The following COIL variants were observed in gnomAD, a reference collection of about 807,000 sequenced individuals.
The protein encoded by COIL is coilin.
In COIL, 28 loss-of-function variants were observed where a neutral mutation model predicts 51.6. The ratio of observed to expected loss-of-function variants is 0.54; its 90% CI spans 0.40 to 0.74. COIL has a LOEUF of 0.74. COIL is among the 30% of genes least tolerant of loss of function. The probability of loss-of-function intolerance (pLI) is 0.00; values close to 1 mark genes in which losing one functional copy is unlikely to be tolerated. For missense variants in COIL, 667 were observed against 685.9 expected (o/e 0.97, Z 0.31); for synonymous variants, 233 against 255.8 (o/e 0.91, Z 0.85).
At chr17:56,946,365 T>C (rs1398293956) in intron 5 of COIL, 77 bp downstream of exon 5, 6 of 972,064 alleles carry the variant, frequency 6.2e-6, no homozygotes, top group Non-Finnish European at 9.6e-6. Context: ...GAAGAGAACA[T>C]CTCCTGTGTA....
intron 1 of COIL, among the ~76,000 whole-genome samples, chr17:56,959,849 C>A (rs556837973): frequency 6.6e-6 from 1 of 152,380 alleles, no homozygotes; most frequent in South Asian, 2.1e-4. Flanking sequence ...CCTGGCCCTG[C>A]CCTTAGGCAT....
chr17:56,953,738 G>A (rs566599378), intron 1 of COIL, among the ~76,000 whole-genome samples: 321 of 152,044 alleles, frequency 2.1e-3, no homozygotes, highest in Non-Finnish European at 3.9e-3. Context: ...ACCTCAATGC[G>A]GTAGTTGAAA....
intron 5 of COIL, 147 bp from the exon 6 acceptor site, chr17:56,942,270 G>C (rs1340341916): frequency 4.4e-6 from 3 of 681,326 alleles, no homozygotes. Flanking sequence ...GGAAAGCACA[G>C]GGTGCTCAAT....
chr17:56,949,366 C>T, intron 4 of COIL, 21 bp downstream of exon 4: 1 of 1,572,188 alleles, frequency 6.4e-7, no homozygotes, highest in South Asian at 1.2e-5. Context: ...TGACAACTTA[C>T]TTTTAAATAA....
At chr17:56,941,940 C>T in intron 6 of COIL, 95 bp downstream of exon 6, 1 of 1,006,446 alleles carries the variant, frequency 9.9e-7, no homozygotes, top group South Asian at 1.3e-5. Context: ...CAGATTCCCC[C>T]CAGGGCCTGT....
rs781384121 is a variant in COIL, at chr17:56,960,929, C to T, written c.91G>A (p.Asp31Asn). ...GTGACGACTCGGCATCTGTTCAAGT[C>T]GACCAGAAGCCAGAAGGCCGTACAG... is the stretch of plus-strand genomic sequence containing the variant. ...PHCTAFWLLV[D>N]LNRCRVVTDL... The change falls in exon 1 of 7, where the codon GAC (aspartate) becomes AAC (asparagine). Residue 31 changes from aspartate (D) to asparagine (N), a missense_variant. By Grantham distance (23) the Asp-to-Asn change is conservative (BLOSUM62 1). Coordinates refer to ENST00000240316, the MANE Select transcript of COIL (RefSeq NM_004645.3). The T allele has an allele frequency of 1.2e-6, 2 of 1,614,044 alleles. No homozygotes were observed. The highest frequency in any genetic ancestry group is 1.7e-6 in the Non-Finnish European group (2 of 1,180,012).
rs371312180 is a variant in COIL, at chr17:56,939,022, C to T, written c.*49G>A. 3.9e-5 allele frequency: 42 copies of T among 1,076,854 alleles called. No homozygotes were observed. The African/African-American group carries it at 6.5e-4, about 17-fold the overall frequency. The allele number at this position is 1,076,854 out of a possible 1,614,324, so 66.7% of individuals were successfully genotyped here. A position where few individuals can be genotyped will look rare whatever the true frequency, so the allele number is the denominator to read the frequency against. ...AAAAAAAAAAAGTTTGGGTTATAGT[C>T]ACTTTCACAAACAAGACATTCATAA... On this transcript the variant is annotated 3_prime_UTR_variant, in exon 7 of 7. Coordinates refer to ENST00000240316, the MANE Select transcript of COIL (RefSeq NM_004645.3).
At chr17:56,952,507 A>G (rs1258980597) in intron 1 of COIL, 2 of 295,228 alleles carry the variant, frequency 6.8e-6, no homozygotes, top group East Asian at 2.3e-4. Flanking sequence ...TTAAATTGCT[A>G]GACTGAGTAA....
At chr17:56,947,867 A>G (rs1443865036) in intron 4 of COIL, among the ~76,000 whole-genome samples, 1 of 152,196 alleles carries the variant, frequency 6.6e-6, no homozygotes, top group Non-Finnish European at 1.5e-5. Context: ...ATTTCCTCAT[A>G]TATCACACAA....
In COIL at chr17:56,961,013, C is replaced by G. The variant is rs770031953; in HGVS notation, c.7G>C (p.Ala3Pro). MA[A>P]SETVRLRLQF... ...AGCCGTAGCCTAACCGTCTCGGAAG[C>G]TGCCATCTTGCTTGGTGCTCAACGG... Residue 3 changes from alanine (A) to proline (P), a missense_variant, in exon 1 of 7, where the codon GCT becomes CCT. Ala to Pro is a conservative substitution (Grantham distance 27). Transcript: ENST00000240316. 1.2e-6 allele frequency: 2 copies of G among 1,613,680 alleles called. No homozygotes were observed. The highest frequency in any genetic ancestry group is 2.2e-5 in the South Asian group (2 of 91,058).
intron 6 of COIL, 22 bp from the exon 7 acceptor site, chr17:56,939,176 C>G: frequency 7.7e-7 from 1 of 1,300,526 alleles, no homozygotes; most frequent in Non-Finnish European, 1.1e-6. Flanking sequence ...GACAAAATAC[C>G]CAGTTTAGGC....
At chr17:56,949,811 A>G in intron 2 of COIL, 44 bp from the exon 3 acceptor site, 2 of 1,611,968 alleles carry the variant, frequency 1.2e-6, no homozygotes, top group Non-Finnish European at 1.7e-6. Flanking sequence ...CTGGTGAGAA[A>G]ATGTGAATCC....
intron 1 of COIL, among the ~76,000 whole-genome samples, chr17:56,953,315 G>A (rs1374193030): frequency 2.0e-5 from 3 of 150,204 alleles, no homozygotes; most frequent in Non-Finnish European, 2.9e-5. Flanking sequence ...GGAGGCTGAG[G>A]CAGGAGAATG....
rs1361505533 is a variant in COIL, at chr17:56,949,919, G to A, written c.1323C>T (p.Asp441=). Residue 441 remains aspartate, a synonymous_variant, in exon 2 of 7, where the codon GAC becomes GAT. Coordinates refer to ENST00000240316, the MANE Select transcript of COIL (RefSeq NM_004645.3). ...TDNQRQQQLN[D]VVKNSSTIIQ... ...TAATAGTAGATGAATTTTTTACCAC[G>A]TCATTTAATTGCTGTTGCCTCTGGT... 20 of 1,613,292 alleles carry A rather than the reference G, an allele frequency of 1.2e-5. No homozygotes were observed. Among genetic ancestry groups the A allele is most frequent in the Non-Finnish European group, 1.6e-5 (19 of 1,179,830 alleles).
intron 1 of COIL, among the ~76,000 whole-genome samples, chr17:56,956,765 TG>T (rs533890792): frequency 0.011 from 1,747 of 152,198 alleles, 12 homozygotes; most frequent in Middle Eastern, 0.034. Context: ...CTAATTTTGT[TG>T]TATTTTTCTG....
At chr17:56,947,330 G>A (rs958824454) in intron 4 of COIL, among the ~76,000 whole-genome samples, 10 of 152,178 alleles carry the variant, frequency 6.6e-5, no homozygotes, top group African/African-American at 1.7e-4. Context: ...GGATAACTGC[G>A]TTTGAGGTCA....
At chr17:56,956,234 G>T (rs933230224) in intron 1 of COIL, among the ~76,000 whole-genome samples, 1 of 152,058 alleles carries the variant, frequency 6.6e-6, no homozygotes, top group African/African-American at 2.4e-5. Context: ...ATGAGAACTC[G>T]TCTCTAATAT....
At chr17:56,945,769 G>T (rs1742716626) in intron 5 of COIL, among the ~76,000 whole-genome samples, 1 of 152,186 alleles carries the variant, frequency 6.6e-6, no homozygotes, top group Non-Finnish European at 1.5e-5. Flanking sequence ...AGTCTGGAAG[G>T]CAGTTGCACT....
Position 56,950,527 on chromosome 17 carries a change from A to C in COIL, c.715T>G (p.Cys239Gly). Residue 239 changes from cysteine (C) to glycine (G), a missense_variant, in exon 2 of 7, where the codon TGC (cysteine) becomes GGC (glycine). Coordinates refer to ENST00000240316, the MANE Select transcript of COIL (RefSeq NM_004645.3). ...KAKRKGSVSVCSKESPSSSSE... is the reference protein window; with the variant it reads ...KAKRKGSVSVGSKESPSSSSE... ...GAGGAACTGGGACTCTCTTTTGAGC[A>C]AACGCTTACACTACCTTTCCTTTTG... 6.2e-7 allele frequency: 1 copy of C among 1,614,224 alleles called. No homozygotes were observed.
Sources: gnomAD v4.1 joint callset for allele counts (sites outside exome capture counted in the v4.1 genomes callset) on GRCh38, gnomAD v4.1.1 for gene constraint, MANE v1.5 for transcripts, NCBI Gene and HGNC (gene_info 2026-07-23, HGNC 2026-07-21) for gene names.